TAF4B: variants seen among roughly 807,000 people sequenced by gnomAD.
TAF4B encodes transcription initiation factor TFIID subunit 4B.
Under a neutral mutation model 86.4 loss-of-function variants are expected in TAF4B, and 38 were observed. The ratio of observed to expected loss-of-function variants is 0.44; its 90% confidence interval spans 0.34 to 0.58. The LOEUF (loss-of-function observed/expected upper bound fraction) is 0.58. TAF4B is among the 20% of genes least tolerant of loss of function. TAF4B has a pLI of 0.02. For synonymous variants in TAF4B, 388 were observed against 391.2 expected, an observed-to-expected ratio of 0.99 and a Z score of 0.10; for missense variants, 988 against 1,027.6, an observed-to-expected ratio of 0.96 and a Z score of 0.53.
intron 13 of TAF4B, among the ~76,000 whole-genome samples, chr18:26,338,839 C>T (rs987762906): frequency 2.6e-5 from 4 of 152,158 alleles, no homozygotes; most frequent in Admixed American, 6.5e-5. Flanking sequence ...TCTTTGCATT[C>T]CACATGTAAG....
intron 2 of TAF4B, 115 bp downstream of exon 2, chr18:26,265,430 T>A: frequency 8.1e-7 from 1 of 1,237,390 alleles, no homozygotes; most frequent in Non-Finnish European, 1.1e-6. Context: ...TCTATTCAGC[T>A]TTTTAGGTCA....
At chr18:26,230,619 C>T (rs981084158) in intron 1 of TAF4B, among the ~76,000 whole-genome samples, 3 of 152,180 alleles carry the variant, frequency 2.0e-5, no homozygotes, top group Non-Finnish European at 4.4e-5. Flanking sequence ...TCCTCTCCTG[C>T]GGATCTTCCT....
chr18:26,290,254 C>T lies in TAF4B; in HGVS notation c.1591-1992C>T, dbSNP rs576552658. ...TCCTGGGCTCAAGCAATCCTCCTGC[C>T]TCAGCCTCATGAGTAGCTAGGACTA... On this transcript the variant is annotated intron_variant, in intron 7 of 14. Coordinates refer to ENST00000269142, the MANE Select transcript of TAF4B (RefSeq NM_005640.3). Among the ~76,000 whole-genome samples the T allele has an allele frequency of 7.2e-5, 11 of 152,176 alleles. No individual in the cohort carries two copies. In the South Asian group the frequency reaches 2.3e-3, roughly 32 times the overall value.
rs769909933 is a variant in TAF4B at position 26,227,075 on chromosome 18, G to T, written c.142G>T (p.Ala48Ser). Residue 48 changes from alanine to serine, a missense_variant, in exon 1 of 15, where the codon GCT becomes TCT. By Grantham distance (99) the Ala-to-Ser change is moderately conservative (BLOSUM62 1). Transcript: ENST00000269142. The part of the protein sequence containing the change: ...TPVALGAVTK[A>S]PVSVCVEPTA... ...GGTGGCCCTGGGCGCCGTGACTAAGGCTCCTGTCAGCGTCTGCGTGGAGCC... is the reference window on the plus strand; with the variant it reads ...GGTGGCCCTGGGCGCCGTGACTAAGTCTCCTGTCAGCGTCTGCGTGGAGCC... The T allele has an allele frequency of 1.9e-6, 3 of 1,605,180 alleles. No individual in the cohort carries two copies. The highest frequency in any genetic ancestry group is 2.5e-6 in the Non-Finnish European group (3 of 1,177,544).
intron 7 of TAF4B, among the ~76,000 whole-genome samples, chr18:26,289,389 A>G (rs1366368093): frequency 2.0e-5 from 3 of 152,238 alleles, no homozygotes; most frequent in East Asian, 3.8e-4. Context: ...TATGGTCTGA[A>G]GAATACACAC....
In TAF4B at chr18:26,364,728, A is replaced by AATAT. The variant is rs879776212; in HGVS notation, c.2421+6934_2421+6935insATAT. Among the ~76,000 whole-genome samples, 486 of 123,246 alleles carry AATAT rather than the reference A, an allele frequency of 3.9e-3. 1 individual carries two copies. Among genetic ancestry groups the AATAT allele is most frequent in the Non-Finnish European group, 5.8e-3 (318 of 54,828 alleles). The allele number at this position is 123,246 out of a possible 152,430, so 80.9% of individuals were successfully genotyped here. On this transcript the variant is annotated intron_variant, in intron 14 of 14. Coordinates refer to ENST00000269142, the MANE Select transcript of TAF4B (RefSeq NM_005640.3). ...CAAAATCAATTTTTGGAGCTATGAA[A>AATAT]GTATTAAGGAATTTCAGCATACTAT...
intron 9 of TAF4B, among the ~76,000 whole-genome samples, chr18:26,300,083 G>A (rs570484426): frequency 7.2e-5 from 11 of 152,110 alleles, no homozygotes; most frequent in Non-Finnish European, 1.5e-4. Context: ...CTGGGCTCAA[G>A]CCATCTTCCT....
chr18:26,387,283 G>A (rs1198054526), intron 14 of TAF4B, among the ~76,000 whole-genome samples: 2 of 152,066 alleles, frequency 1.3e-5, no homozygotes, highest in Non-Finnish European at 2.9e-5. Flanking sequence ...TAGCCAGGCT[G>A]GTCTCGAACT....
At chr18:26,341,701 GAAAAA>G (rs1188145408) in intron 13 of TAF4B, among the ~76,000 whole-genome samples, 1 of 150,270 alleles carries the variant, frequency 6.7e-6, no homozygotes, top group South Asian at 2.1e-4. Flanking sequence ...GTGGTTGGGA[GAAAAA>G]AAAATAGATT....
chr18:26,276,218 T>A (rs1452545004), intron 5 of TAF4B, among the ~76,000 whole-genome samples: 1 of 152,128 alleles, frequency 6.6e-6, no homozygotes, highest in Non-Finnish European at 1.5e-5. Context: ...TTAAACATGA[T>A]GATCGTTGAT....
chr18:26,344,315 T>A (rs2057158884), intron 13 of TAF4B, among the ~76,000 whole-genome samples: 1 of 150,692 alleles, frequency 6.6e-6, no homozygotes, highest in African/African-American at 2.4e-5. Context: ...GAACAATAAT[T>A]ACAATGACTA....
chr18:26,328,383 G>A (rs1217785831), intron 12 of TAF4B, among the ~76,000 whole-genome samples: 1 of 152,088 alleles, frequency 6.6e-6, no homozygotes, highest in African/African-American at 2.4e-5. Context: ...CTGGGAGGTG[G>A]AGGTTGCAGT....
chr18:26,236,663 T>A (rs1369067286), intron 1 of TAF4B, among the ~76,000 whole-genome samples: 2 of 152,158 alleles, frequency 1.3e-5, no homozygotes, highest in Admixed American at 1.3e-4. Context: ...ATTGCCCTGC[T>A]CCATTTTCTG....
intron 1 of TAF4B, among the ~76,000 whole-genome samples, chr18:26,260,415 G>A (rs1395250005): frequency 6.6e-6 from 1 of 152,140 alleles, no homozygotes; most frequent in Non-Finnish European, 1.5e-5. Flanking sequence ...CTGGTTTTAG[G>A]TCTGACATTT....
chr18:26,327,383 C>T (rs995456492), intron 12 of TAF4B, among the ~76,000 whole-genome samples: 2 of 152,084 alleles, frequency 1.3e-5, no homozygotes, highest in South Asian at 2.1e-4. Context: ...CATCCTCAAA[C>T]CCAGGTAAAA....
intron 6 of TAF4B, among the ~76,000 whole-genome samples, chr18:26,282,372 A>C (rs1465126561): frequency 2.6e-5 from 4 of 152,242 alleles, no homozygotes; most frequent in Non-Finnish European, 5.9e-5. Flanking sequence ...TAAGAAAGCT[A>C]ATATCACAAT....
chr18:26,372,233 T>C (rs375792601), intron 14 of TAF4B, among the ~76,000 whole-genome samples: 1 of 152,216 alleles, frequency 6.6e-6, no homozygotes, highest in Non-Finnish European at 1.5e-5. Flanking sequence ...TAGTAAACTT[T>C]CCTGGAGGAA....
At chr18:26,255,554 A>T in intron 1 of TAF4B, 1 of 557,612 alleles carries the variant, frequency 1.8e-6, no homozygotes, top group Non-Finnish European at 3.1e-6. Context: ...GTGAGCCAAG[A>T]TCACGCCACT....
At chr18:26,299,563 C>A (rs965339941) in intron 9 of TAF4B, among the ~76,000 whole-genome samples, 1 of 152,002 alleles carries the variant, frequency 6.6e-6, no homozygotes, top group Non-Finnish European at 1.5e-5. Flanking sequence ...AGTCTTCCCC[C>A]CCTCCTTTGT....
Sources: gnomAD v4.1 joint callset for allele counts (sites outside exome capture counted in the v4.1 genomes callset) on GRCh38, gnomAD v4.1.1 for gene constraint, MANE v1.5 for transcripts, NCBI Gene and HGNC (gene_info 2026-07-23, HGNC 2026-07-21) for gene names.